The following PDPK1 variants were observed in gnomAD, a reference collection of about 807,000 sequenced individuals.
PDPK1 encodes 3-phosphoinositide dependent protein kinase 1, also known as 3-phosphoinositide-dependent protein kinase 1.
In PDPK1, 7 loss-of-function variants were observed where a neutral mutation model predicts 39.8. The ratio of observed to expected loss-of-function variants is 0.18; its 90% CI spans 0.10 to 0.33. PDPK1 has a LOEUF of 0.33. Among genes scored for constraint, PDPK1 ranks in the 10% least tolerant of loss-of-function variants. PDPK1 has a pLI of 1.00. For synonymous variants in PDPK1, 118 were observed against 159.1 expected (o/e 0.74, Z 1.95); for missense variants, 182 against 384.7 (o/e 0.47, Z 4.41).
chr16:2,595,969 C>T, intron 12 of PDPK1, 119 bp downstream of exon 12: 2 of 792,202 alleles, frequency 2.5e-6, no homozygotes, highest in South Asian at 2.9e-5. Flanking sequence ...CATCAGACAT[C>T]ATCTCTAGAT....
At chr16:2,589,890 C>T (rs575847696) in intron 11 of PDPK1, among the ~76,000 whole-genome samples, 16 of 152,172 alleles carry the variant, frequency 1.1e-4, no homozygotes, top group Non-Finnish European at 1.9e-4. Flanking sequence ...AGAGGCCACA[C>T]GGTAGCTGAG....
At chr16:2,545,534 C>A (rs1376855574) in intron 1 of PDPK1, among the ~76,000 whole-genome samples, 1 of 150,416 alleles carries the variant, frequency 6.6e-6, no homozygotes, top group Non-Finnish European at 1.5e-5. Context: ...TGGCTCTGTT[C>A]CCCAGGCTGG....
intron 11 of PDPK1, among the ~76,000 whole-genome samples, chr16:2,588,779 G>A (rs1053325790): frequency 1.3e-5 from 2 of 152,110 alleles, no homozygotes; most frequent in African/African-American, 4.8e-5. Context: ...TGCATTCTCA[G>A]TGTGTGGCCA....
chr16:2,592,589 C>T lies in PDPK1; in HGVS notation c.1344-3204C>T, dbSNP rs1013866254. ...ACTCAGGAGGCTGAGACAGGAGAATCGCTTGAACCCAGGAGGCAGAGGTTA... is the reference window on the plus strand; with the variant it reads ...ACTCAGGAGGCTGAGACAGGAGAATTGCTTGAACCCAGGAGGCAGAGGTTA... On this transcript the variant is annotated intron_variant, in intron 11 of 13. Coordinates refer to ENST00000342085, the MANE Select transcript of PDPK1 (RefSeq NM_002613.5). 1.0e-4 allele frequency: 37 copies of T among 357,292 alleles called. 1 individual carries two copies. Among genetic ancestry groups the T allele is most frequent in the South Asian group, 7.1e-4 (34 of 48,024 alleles). 22.1% of individuals were successfully genotyped at this position (357,292 alleles called of 1,614,324 possible).
At position 2,586,802 on chromosome 16, in the gene PDPK1, G is replaced by A; in HGVS notation, c.1252G>A (p.Asp418Asn). ...SGSNIEQYIH[D>N]LDSNSFELDL... ...CAGCAACATAGAGCAGTACATTCAC[G>A]ATCTGGACTCGAACTCCTTTGAACT... The change falls in exon 11 of 14, where the codon GAT becomes AAT. Residue 418 changes from aspartate to asparagine, a missense_variant. Transcript: ENST00000342085. 1 of 1,614,240 alleles carries A rather than the reference G, an allele frequency of 6.2e-7. No individual in the cohort carries two copies. Among genetic ancestry groups the A allele is most frequent in the Non-Finnish European group, 8.5e-7 (1 of 1,180,036 alleles).
At chr16:2,540,267 G>A (rs1438832363) in intron 1 of PDPK1, among the ~76,000 whole-genome samples, 1 of 152,218 alleles carries the variant, frequency 6.6e-6, no homozygotes. Context: ...CAGTGCGAGC[G>A]TGAAGGCAGA....
intron 1 of PDPK1, among the ~76,000 whole-genome samples, chr16:2,541,112 G>A (rs779621813): frequency 8.5e-5 from 13 of 152,240 alleles, no homozygotes; most frequent in Admixed American, 1.3e-4. Flanking sequence ...TAAGAGGGAA[G>A]TGGTTTGTTC....
rs1252327595 is a variant in PDPK1, at chr16:2,599,155, G to T, written c.*1388G>T. 1 of 233,362 alleles carries T rather than the reference G, an allele frequency of 4.3e-6. No individual in the cohort carries two copies. The highest frequency in any genetic ancestry group is 8.5e-6 in the Non-Finnish European group (1 of 118,194). 14.5% of individuals were successfully genotyped at this position (233,362 alleles called of 1,614,324 possible). A position where few individuals can be genotyped will look rare whatever the true frequency, so the allele number is the denominator to read the frequency against. On this transcript the variant is annotated 3_prime_UTR_variant, in exon 14 of 14. Coordinates refer to ENST00000342085, the MANE Select transcript of PDPK1 (RefSeq NM_002613.5). ...ACTCCCCAGGTAGAGAGTGCTCCTG[G>T]TGGCCTGGCAGGTCTGGGCCCTTCT...
chr16:2,543,535 C>T (rs2066278218), intron 1 of PDPK1, among the ~76,000 whole-genome samples: 2 of 138,704 alleles, frequency 1.4e-5, no homozygotes, highest in South Asian at 2.6e-4. Flanking sequence ...GGCCCAGGCT[C>T]GGATGCCCGG....
In PDPK1 at chr16:2,597,573, C is replaced by G. The variant is rs1362827998; in HGVS notation, c.1555-78C>G. 9.7e-7 allele frequency: 1 copy of G among 1,035,206 alleles called. No homozygotes were observed. The highest frequency in any genetic ancestry group is 2.4e-5 in the East Asian group (1 of 42,150). The allele number at this position is 1,035,206 out of a possible 1,614,324, so 64.1% of individuals were successfully genotyped here. A position where few individuals can be genotyped will look rare whatever the true frequency, so the allele number is the denominator to read the frequency against. On this transcript the variant is annotated intron_variant, in intron 13 of 13. Transcript: ENST00000342085. This position sits in a 1 kb window ranked among gnomAD's most constrained non-coding sequence, Gnocchi z 6.3. ...GCTTTCAGGACTCGGAATGGCTGGT[C>G]GCAGGCAGCTCACCAGGTTGGGGTG...
chr16:2,592,754 C>T (rs1042357351), intron 11 of PDPK1: 7 of 454,854 alleles, frequency 1.5e-5, no homozygotes, highest in Non-Finnish European at 2.6e-5. Flanking sequence ...CAGGTGAATC[C>T]GCTGCACACA....
chr16:2,596,059 G>A (rs1218274674), intron 12 of PDPK1, among the ~76,000 whole-genome samples: 1 of 152,242 alleles, frequency 6.6e-6, no homozygotes, highest in Non-Finnish European at 1.5e-5. Context: ...CAGTGCAGAA[G>A]CAACCGCCCA....
intron 1 of PDPK1, among the ~76,000 whole-genome samples, chr16:2,547,218 C>T (rs1338414263): frequency 6.7e-6 from 1 of 148,694 alleles, no homozygotes; most frequent in South Asian, 2.1e-4. Context: ...CTCATTTCCC[C>T]CCATGTGGAC....
intron 1 of PDPK1, chr16:2,538,701 T>A (rs752718167): frequency 1.7e-5 from 22 of 1,286,406 alleles, no homozygotes; most frequent in Middle Eastern, 2.1e-4. Context: ...CCCGTGGCTG[T>A]GCTCAGCGTT....
intron 2 of PDPK1, among the ~76,000 whole-genome samples, chr16:2,559,693 CT>C (rs1208052527): frequency 2.7e-5 from 4 of 147,258 alleles, no homozygotes; most frequent in Admixed American, 2.7e-4. Context: ...TCCTGAGTAG[CT>C]GGGACCACAG....
chr16:2,544,848 T>G (rs920087279), intron 1 of PDPK1, among the ~76,000 whole-genome samples: 1 of 152,028 alleles, frequency 6.6e-6, no homozygotes, highest in Admixed American at 6.6e-5. Context: ...CCTCCCAAAG[T>G]GCTGGGATTT....
intron 11 of PDPK1, among the ~76,000 whole-genome samples, chr16:2,595,280 T>C (rs1053015159): frequency 6.6e-6 from 1 of 152,254 alleles, no homozygotes; most frequent in African/African-American, 2.4e-5. Flanking sequence ...AGAGGAGATG[T>C]TCTTACGTCC....
chr16:2,540,954 G>A (rs1317924232), intron 1 of PDPK1, among the ~76,000 whole-genome samples: 3 of 152,192 alleles, frequency 2.0e-5, no homozygotes, highest in African/African-American at 7.2e-5. Context: ...AGCATGGAGA[G>A]AAGTGGCTTT....
chr16:2,557,633 A>G, intron 1 of PDPK1, 70 bp from the exon 2 acceptor site: 1 of 592,294 alleles, frequency 1.7e-6, no homozygotes, highest in Non-Finnish European at 3.0e-6. Flanking sequence ...AGGTCCTTAA[A>G]CCTTAGTCCG....
Sources: gnomAD v4.1 joint callset for allele counts (sites outside exome capture counted in the v4.1 genomes callset) on GRCh38, gnomAD v4.1.1 for gene constraint, Gnocchi (gnomAD v3.1) non-coding constraint, MANE v1.5 for transcripts, NCBI Gene and HGNC (gene_info 2026-07-23, HGNC 2026-07-21) for gene names.